POLR3GL: variants seen among roughly 807,000 people sequenced by gnomAD.
The protein encoded by POLR3GL is RNA polymerase III subunit GL.
A neutral mutation model predicts 32.4 loss-of-function variants in POLR3GL; 26 were observed. The observed-to-expected ratio is 0.80, with a 90% CI of 0.59 to 1.11. The LOEUF (loss-of-function observed/expected upper bound fraction) is 1.11. POLR3GL is among the 50% of genes most tolerant of loss of function. The pLI is 0.00. For synonymous variants in POLR3GL, 95 were observed against 98.7 expected (o/e 0.96, Z 0.22); for missense variants, 229 against 280.1 (o/e 0.82, Z 1.30).
At chr1:145,971,358 T>G (rs1553762649) in intron 1 of POLR3GL, among the ~76,000 whole-genome samples, 1 of 152,110 alleles carries the variant, frequency 6.6e-6, no homozygotes, top group Non-Finnish European at 1.5e-5. Context: ...TATTTAGTTG[T>G]CACGTCTCCT....
At position 145,977,807 on chromosome 1, in the gene POLR3GL, C is replaced by T; in HGVS notation, c.412C>T (p.Pro138Ser). 1 of 1,614,030 alleles carries T rather than the reference C, an allele frequency of 6.2e-7. No homozygotes were observed. The highest frequency in any genetic ancestry group is 8.5e-7 in the Non-Finnish European group (1 of 1,179,962). ...TACAATTCTGCTCCCCAAGAGGCCC[C>T]CTAAGACCACAGAAGATAAGGAGGA... ...RITILLPKRP[P>S]KTTEDKEETI... is the part of the protein sequence containing the mutation. Residue 138 changes from proline (P) to serine (S), a missense_variant, in exon 6 of 8, where the codon CCT becomes TCT. Physicochemically the swap from Pro to Ser is moderately conservative, Grantham distance 74. Coordinates refer to ENST00000369314, the MANE Select transcript of POLR3GL (RefSeq NM_032305.3).
At chr1:145,967,614 C>T (rs1650097155) in intron 1 of POLR3GL, among the ~76,000 whole-genome samples, 1 of 152,186 alleles carries the variant, frequency 6.6e-6, no homozygotes, top group Non-Finnish European at 1.5e-5. Context: ...GCAAATTCTA[C>T]ACATCAGCGT....
intron 1 of POLR3GL, among the ~76,000 whole-genome samples, chr1:145,970,983 A>T (rs953058873): frequency 6.7e-6 from 1 of 148,284 alleles, no homozygotes. Context: ...CGGGAGGTGG[A>T]GACCAGCCTG....
chr1:145,978,782 A>C lies in POLR3GL; in HGVS notation c.*335A>C. 1 of 239,182 alleles carries C rather than the reference A, an allele frequency of 4.2e-6. No homozygotes were observed. Among genetic ancestry groups the C allele is most frequent in the East Asian group, 8.9e-5 (1 of 11,272 alleles). 14.8% of individuals were successfully genotyped at this position (239,182 alleles called of 1,614,324 possible). ...TATATAGCTCTTTGTGGAGATAATTAGGGGTGGGAGCAGTTTGAAGGAGTA... is the reference window on the plus strand; with the variant it reads ...TATATAGCTCTTTGTGGAGATAATTCGGGGTGGGAGCAGTTTGAAGGAGTA... On this transcript the variant is annotated 3_prime_UTR_variant, in exon 8 of 8. Transcript: ENST00000369314.
chr1:145,971,732 C>T (rs1362108092), intron 1 of POLR3GL, among the ~76,000 whole-genome samples: 2 of 151,224 alleles, frequency 1.3e-5, no homozygotes, highest in African/African-American at 4.9e-5. Flanking sequence ...TTTGGGAGGC[C>T]GAGGCAGGCG....
At chr1:145,974,297 T>C (rs2101939020) in intron 1 of POLR3GL, among the ~76,000 whole-genome samples, 1 of 152,282 alleles carries the variant, frequency 6.6e-6, no homozygotes, top group South Asian at 2.1e-4. Context: ...TTGGATTGAA[T>C]TGGGGCCTGG....
chr1:145,971,974 AAAAAAAAAAAAAAAAAT>A (rs1650325148), intron 1 of POLR3GL, among the ~76,000 whole-genome samples: 1 of 123,792 alleles, frequency 8.1e-6, no homozygotes, highest in Non-Finnish European at 1.6e-5. Context: ...CAAAAAAAAA[AAAAAAAAAAAAAAAAAT>A]ATATATATAT....
rs918002540 is a variant in POLR3GL at position 145,968,495 on chromosome 1, T to G, written c.-42+3727T>G. ...CTATCTCCACTGCCAGAACTATATC[T>G]GTCAAGTGGAAAGATACTTAACCAG... On this transcript the variant is annotated intron_variant, in intron 1 of 7. Transcript: ENST00000369314. Among the ~76,000 whole-genome samples, 83 of 152,250 alleles carry G rather than the reference T, an allele frequency of 5.5e-4. No individual in the cohort carries two copies. The Middle Eastern group carries it at 0.01, about 19-fold the overall frequency.
chr1:145,968,699 G>A (rs587764994), intron 1 of POLR3GL, among the ~76,000 whole-genome samples: 2 of 151,930 alleles, frequency 1.3e-5, no homozygotes, highest in South Asian at 2.1e-4. Flanking sequence ...GGCCTCCTGA[G>A]TAGCTGGGAT....
chr1:145,977,006 T>C, intron 3 of POLR3GL, 78 bp from the exon 4 acceptor site: 1 of 1,203,770 alleles, frequency 8.3e-7, no homozygotes. Context: ...TTCCTCAGTA[T>C]TGAGAGGGCT....
intron 3 of POLR3GL, among the ~76,000 whole-genome samples, chr1:145,975,696 A>G (rs1553763302): frequency 6.6e-6 from 1 of 152,098 alleles, no homozygotes; most frequent in Non-Finnish European, 1.5e-5. Flanking sequence ...AAAAAATTAT[A>G]TATTTTTTAT....
chr1:145,978,131 C>A (rs1253982317), intron 7 of POLR3GL, 35 bp downstream of exon 7: 2 of 1,568,294 alleles, frequency 1.3e-6, no homozygotes, highest in Non-Finnish European at 1.7e-6. Context: ...GTCCCCCTCC[C>A]TTTACCCTCT....
chr1:145,975,112 A>C, intron 2 of POLR3GL, 121 bp downstream of exon 2: 1 of 1,324,786 alleles, frequency 7.5e-7, no homozygotes. Context: ...TATACTCCCA[A>C]TGCACAGGGA....
intron 1 of POLR3GL, among the ~76,000 whole-genome samples, chr1:145,969,495 C>T (rs781800990): frequency 6.6e-6 from 1 of 151,734 alleles, no homozygotes; most frequent in Non-Finnish European, 1.5e-5. Context: ...ATCCCTTGAC[C>T]TTGTGATCCA....
rs1650501510 is a variant in POLR3GL at position 145,975,308 on chromosome 1, C to T, written c.128C>T (p.Pro43Leu). 2.5e-6 allele frequency: 4 copies of T among 1,613,644 alleles called. No homozygotes were observed. The highest frequency in any genetic ancestry group is 3.4e-6 in the Non-Finnish European group (4 of 1,179,558). ...TGACCACTGCCCCTGCCTCTTTAGC[C>T]CTTGGAGTTCCGCCCAGTACCTTTG... ...PTLQPSPLFP[P>L]LEFRPVPLPS... is the part of the protein sequence containing the mutation. The change falls in exon 3 of 8, where the codon CCC (proline) becomes CTC (leucine). Residue 43 changes from proline to leucine, a missense_variant and splice_region_variant. By Grantham distance (98) the Pro-to-Leu change is moderately conservative (BLOSUM62 -3). Transcript: ENST00000369314.
chr1:145,976,563 CG>C, intron 3 of POLR3GL, among the ~76,000 whole-genome samples: 2 of 128,154 alleles, frequency 1.6e-5, no homozygotes, highest in South Asian at 5.3e-4. Flanking sequence ...GGCGACAGTG[CG>C]AGATTCTGTC....
chr1:145,967,315 A>C (rs1187604374), intron 1 of POLR3GL, among the ~76,000 whole-genome samples: 1 of 151,982 alleles, frequency 6.6e-6, no homozygotes, highest in Non-Finnish European at 1.5e-5. Flanking sequence ...GCTGGAATTA[A>C]AGGTGTGTAC....
At chr1:145,976,113 A>G (rs1227419572) in intron 3 of POLR3GL, among the ~76,000 whole-genome samples, 1 of 152,080 alleles carries the variant, frequency 6.6e-6, no homozygotes, top group Non-Finnish European at 1.5e-5. Flanking sequence ...TGTCTCTACT[A>G]AAAATATAAA....
intron 3 of POLR3GL, 57 bp from the exon 4 acceptor site, chr1:145,977,027 G>C: frequency 2.8e-6 from 4 of 1,414,932 alleles, no homozygotes; most frequent in Non-Finnish European, 4.0e-6. Flanking sequence ...GGACTCTCAG[G>C]AACAGTCCTG....
Sources: gnomAD v4.1 joint callset for allele counts (sites outside exome capture counted in the v4.1 genomes callset) on GRCh38, gnomAD v4.1.1 for gene constraint, MANE v1.5 for transcripts, NCBI Gene and HGNC (gene_info 2026-07-23, HGNC 2026-07-21) for gene names.